RAB3GAP2: variants seen among roughly 807,000 people sequenced by gnomAD.
RAB3GAP2 encodes RAB3 GTPase activating non-catalytic protein subunit 2.
A neutral mutation model predicts 185.3 loss-of-function variants in RAB3GAP2; 87 were observed. The ratio of observed to expected loss-of-function variants is 0.47; its 90% confidence interval spans 0.39 to 0.56. The LOEUF (loss-of-function observed/expected upper bound fraction) is 0.56, where lower values mean the gene tolerates loss of function less well. RAB3GAP2 is among the 20% of genes least tolerant of loss of function. The pLI is 0.00. For missense variants in RAB3GAP2, 1,492 were observed against 1,638.2 expected, an observed-to-expected ratio of 0.91 and a Z score of 1.54; for synonymous variants, 554 against 576.1, an observed-to-expected ratio of 0.96 and a Z score of 0.55.
At chr1:220,200,732 A>C in intron 9 of RAB3GAP2, 1 of 474,190 alleles carries the variant, frequency 2.1e-6, no homozygotes, top group Non-Finnish European at 4.4e-6. Flanking sequence ...GTTTACCAAT[A>C]GGTTTTTATT....
chr1:220,245,191 C>T (rs561275878), intron 1 of RAB3GAP2, among the ~76,000 whole-genome samples: 12 of 152,280 alleles, frequency 7.9e-5, no homozygotes, highest in East Asian at 3.9e-4. Context: ...GGAACAGCTC[C>T]GGTCTACAGC....
intron 21 of RAB3GAP2, among the ~76,000 whole-genome samples, chr1:220,178,951 A>T (rs1307360351): frequency 6.6e-6 from 1 of 152,136 alleles, no homozygotes; most frequent in African/African-American, 2.4e-5. Flanking sequence ...AAAGACATAG[A>T]GTGACTCAAC....
rs148314944 is a variant in RAB3GAP2 at position 220,157,014 on chromosome 1, G to A, written c.3555+256C>T. 9.8e-4 allele frequency among the ~76,000 whole-genome samples: 149 copies of A among 152,216 alleles called. 3 individuals are homozygous for A. The East Asian group carries it at 0.025, about 26-fold the overall frequency. On this transcript the variant is annotated intron_variant, in intron 31 of 34. Coordinates refer to ENST00000358951, the MANE Select transcript of RAB3GAP2 (RefSeq NM_012414.4). ...ATTGGTCAGGCCTAGAGATATATAA[G>A]AGGGAGAAAATGAGTCTGTCCAGGA...
intron 1 of RAB3GAP2, chr1:220,266,766 T>A: frequency 6.3e-7 from 1 of 1,592,664 alleles, no homozygotes; most frequent in Non-Finnish European, 8.6e-7. Context: ...GAATTTGCTG[T>A]GATCCAGGGG....
chr1:220,214,973 T>TATATATATATATAC, intron 2 of RAB3GAP2, among the ~76,000 whole-genome samples: 1 of 145,624 alleles, frequency 6.9e-6, no homozygotes, highest in Non-Finnish European at 1.5e-5. Context: ...TATATATATA[T>TATATATATATATAC]ATACTTCTAT....
intron 28 of RAB3GAP2, among the ~76,000 whole-genome samples, chr1:220,161,759 T>C (rs1657967363): frequency 6.6e-6 from 1 of 152,160 alleles, no homozygotes; most frequent in African/African-American, 2.4e-5. Context: ...TGGACTCAGA[T>C]TACACAACAA....
chr1:220,230,580 A>G (rs994411438), intron 2 of RAB3GAP2, among the ~76,000 whole-genome samples: 3 of 152,146 alleles, frequency 2.0e-5, no homozygotes, highest in Non-Finnish European at 4.4e-5. Flanking sequence ...TTACATGAGC[A>G]TATCTCTACT....
chr1:220,184,766 G>T (rs1180452022), intron 18 of RAB3GAP2, among the ~76,000 whole-genome samples: 1 of 151,922 alleles, frequency 6.6e-6, no homozygotes, highest in Admixed American at 6.6e-5. Flanking sequence ...TAAATTTTGG[G>T]ATGTTGTGAA....
At chr1:220,174,953 T>A (rs943666056) in intron 21 of RAB3GAP2, among the ~76,000 whole-genome samples, 20 of 152,322 alleles carry the variant, frequency 1.3e-4, no homozygotes, top group African/African-American at 3.8e-4. Context: ...TTAACCTCCA[T>A]AACCTGATGC....
At chr1:220,245,260 G>A (rs573098521) in intron 1 of RAB3GAP2, among the ~76,000 whole-genome samples, 13 of 152,360 alleles carry the variant, frequency 8.5e-5, no homozygotes, top group Admixed American at 7.2e-4. Context: ...GAGGTACCGG[G>A]TTCATCTCAC....
intron 27 of RAB3GAP2, among the ~76,000 whole-genome samples, chr1:220,163,736 A>AATAC (rs1273294958): frequency 0.017 from 1,744 of 103,086 alleles, 54 homozygotes; most frequent in African/African-American, 0.047. Flanking sequence ...TAAATATATA[A>AATAC]ATACATACAT....
chr1:220,189,998 A>C (rs1192563923), intron 16 of RAB3GAP2, 66 bp downstream of exon 16: 13 of 1,345,158 alleles, frequency 9.7e-6, no homozygotes, highest in Non-Finnish European at 1.4e-5. Flanking sequence ...CTCCATTCAG[A>C]ATATTTTATT....
intron 2 of RAB3GAP2, among the ~76,000 whole-genome samples, chr1:220,221,289 TTAAAG>T (rs1659302107): frequency 1.3e-5 from 2 of 152,168 alleles, no homozygotes; most frequent in Non-Finnish European, 2.9e-5. Flanking sequence ...GGGTGTGGTG[TTAAAG>T]TAAAAAGGAA....
chr1:220,156,937 A>G (rs1657868811), intron 31 of RAB3GAP2, among the ~76,000 whole-genome samples: 1 of 152,126 alleles, frequency 6.6e-6, no homozygotes, highest in South Asian at 2.1e-4. Context: ...GAAGTCCTAT[A>G]AGACACTCAA....
chr1:220,164,445 GT>G lies in RAB3GAP2; in HGVS notation c.3154+287del, dbSNP rs71169436. Among the ~76,000 whole-genome samples, 491 of 118,942 alleles carry G rather than the reference GT, an allele frequency of 4.1e-3. 3 individuals carry two copies. Among genetic ancestry groups the G allele is most frequent in the African/African-American group, 0.014 (455 of 31,856 alleles). The allele number at this position is 118,942 out of a possible 152,430, so 78.0% of individuals were successfully genotyped here. A position where few individuals can be genotyped will look rare whatever the true frequency, so the allele number is the denominator to read the frequency against. ...CCAAGTAGTTAAAATGGCCAGTACT[GT>G]TTTTTTTTTGTTTTGTTTTTTGTTT... is the stretch of plus-strand genomic sequence containing the variant. On this transcript the variant is annotated intron_variant, in intron 27 of 34. Transcript: ENST00000358951.
At chr1:220,246,946 G>A (rs1370082125) in intron 1 of RAB3GAP2, among the ~76,000 whole-genome samples, 3 of 152,082 alleles carry the variant, frequency 2.0e-5, no homozygotes, top group African/African-American at 7.2e-5. Context: ...AGTGGGCAAA[G>A]CACATGAACA....
Position 220,157,854 on chromosome 1 carries a change from G to A in RAB3GAP2, c.3284C>T (p.Ala1095Val), listed in dbSNP as rs866029723. Residue 1095 changes from alanine to valine, a missense_variant, in exon 30 of 35, where the codon GCA becomes GTA. Physicochemically the swap from Ala to Val is moderately conservative, Grantham distance 64. This residue lies in a region of RAB3GAP2 where 387 missense variants were observed against 455.3 expected (regional missense o/e 0.85). Coordinates refer to ENST00000358951, the MANE Select transcript of RAB3GAP2 (RefSeq NM_012414.4). Reference protein sequence around the residue: ...CRRDVGMSDTAMTSFLGSCLD... With the variant: ...CRRDVGMSDTVMTSFLGSCLD... ...ACAGGAGCCGAGGAAAGATGTCATT[G>A]CTGTGTCACTCATTCCCACATCCTG... 1 of 1,613,636 alleles carries A rather than the reference G, an allele frequency of 6.2e-7. No individual in the cohort carries two copies. Among genetic ancestry groups the A allele is most frequent in the South Asian group, 1.1e-5 (1 of 91,066 alleles).
At chr1:220,264,181 A>G (rs975890247) in intron 1 of RAB3GAP2, among the ~76,000 whole-genome samples, 2 of 152,020 alleles carry the variant, frequency 1.3e-5, no homozygotes, top group Non-Finnish European at 2.9e-5. Flanking sequence ...TCTCTCTGCA[A>G]AAAAGGATAT....
chr1:220,200,517 T>C (rs376068251), intron 9 of RAB3GAP2: 18 of 517,594 alleles, frequency 3.5e-5, no homozygotes, highest in Non-Finnish European at 5.9e-5. Context: ...AAGATGTACA[T>C]ACAATAACGT....
Sources: allele counts gnomAD v4.1 joint callset (sites outside exome capture counted in the v4.1 genomes callset), GRCh38; gene constraint gnomAD v4.1.1; regional missense constraint gnomAD v4.1.1; transcripts MANE v1.5; gene names NCBI Gene and HGNC (gene_info 2026-07-23, HGNC 2026-07-21).